GIPC2: variants seen among roughly 807,000 people sequenced by gnomAD.
The protein encoded by GIPC2 is GIPC PDZ domain containing family member 2.
GIPC2 carries 30 observed loss-of-function variants against 30.6 expected under a neutral mutation model. The ratio of observed to expected loss-of-function variants is 0.98; its 90% CI spans 0.73 to 1.33. The LOEUF is 1.33. Ranked by LOEUF, GIPC2 falls within the 40% of genes most tolerant of loss-of-function variation. GIPC2 has a pLI of 0.00. For synonymous variants in GIPC2, 167 were observed against 150.0 expected (o/e 1.11, Z -0.83); for missense variants, 414 against 390.3 (o/e 1.06, Z -0.51).
At chr1:78,051,161 G>A (rs1434571059) in intron 1 of GIPC2, among the ~76,000 whole-genome samples, 1 of 150,926 alleles carries the variant, frequency 6.6e-6, no homozygotes, top group South Asian at 2.1e-4. Context: ...ACCCCACTTT[G>A]CTCAATACAT....
At chr1:78,135,470 G>C in intron 5 of GIPC2, 122 bp from the exon 6 acceptor site, 1 of 615,186 alleles carries the variant, frequency 1.6e-6, no homozygotes, top group Non-Finnish European at 2.8e-6. Flanking sequence ...ATTTAATTTT[G>C]CATTTAATTT....
chr1:78,111,953 C>T (rs1420894175), intron 3 of GIPC2, among the ~76,000 whole-genome samples: 2 of 152,152 alleles, frequency 1.3e-5, no homozygotes, highest in Non-Finnish European at 2.9e-5. Flanking sequence ...TATAAGTAAT[C>T]CCAGTAGATA....
chr1:78,095,326 T>C (rs1014873494), intron 3 of GIPC2, among the ~76,000 whole-genome samples, 194 bp downstream of exon 3: 8 of 152,102 alleles, frequency 5.3e-5, no homozygotes, highest in African/African-American at 1.9e-4. Flanking sequence ...AAAGAGAAAA[T>C]TATTGCCTTG....
chr1:78,088,528 C>T (rs1316115429), intron 2 of GIPC2, among the ~76,000 whole-genome samples: 1 of 152,188 alleles, frequency 6.6e-6, no homozygotes, highest in African/African-American at 2.4e-5. Context: ...CATGTTCTCA[C>T]TTATAAGTGG....
At chr1:78,119,257 A>G (rs1662632680) in intron 3 of GIPC2, 136 bp from the exon 4 acceptor site, 1 of 548,016 alleles carries the variant, frequency 1.8e-6, no homozygotes, top group East Asian at 3.0e-5. Flanking sequence ...GGGAAATTCT[A>G]TAAGAAGGCC....
chr1:78,045,587 C>T (rs1441227429), upstream of GIPC2: 3 of 985,424 alleles, frequency 3.0e-6, no homozygotes, highest in Non-Finnish European at 3.6e-6. Context: ...ACTTTCTCTT[C>T]CAATTCTGCC....
rs1662115572 is a variant in GIPC2 at position 78,095,207 on chromosome 1, C to T, written c.607+75C>T. 1.0e-5 allele frequency: 10 copies of T among 983,514 alleles called. No homozygotes were observed. The South Asian group carries it at 1.5e-4, about 14-fold the overall frequency. The allele number at this position is 983,514 out of a possible 1,614,324, so 60.9% of individuals were successfully genotyped here. ...TTTATCTTTCTAAGGGAAATGAGTA[C>T]TGTGATATGGTGCTATGTGCTTTTA... is the stretch of plus-strand genomic sequence containing the variant. On this transcript the variant is annotated intron_variant, in intron 3 of 5. Coordinates refer to ENST00000370759, the MANE Select transcript of GIPC2 (RefSeq NM_017655.6).
At chr1:78,086,578 A>G (rs1661931687) in intron 2 of GIPC2, among the ~76,000 whole-genome samples, 1 of 152,138 alleles carries the variant, frequency 6.6e-6, no homozygotes, top group African/African-American at 2.4e-5. Context: ...GTAGGTCTTT[A>G]AGAACTTGCT....
At chr1:78,090,706 A>G (rs1662021142) in intron 2 of GIPC2, among the ~76,000 whole-genome samples, 2 of 152,128 alleles carry the variant, frequency 1.3e-5, no homozygotes, top group Non-Finnish European at 2.9e-5. Flanking sequence ...TAGAGTGATC[A>G]TTTCGAGAAA....
chr1:78,051,878 C>T (rs1202807179), intron 1 of GIPC2, among the ~76,000 whole-genome samples: 4 of 152,166 alleles, frequency 2.6e-5, no homozygotes, highest in Admixed American at 2.6e-4. Context: ...CTTTTGACAC[C>T]TGTTCCCATC....
chr1:78,091,795 A>C, intron 2 of GIPC2: 1 of 776,766 alleles, frequency 1.3e-6, no homozygotes, highest in South Asian at 1.3e-5. Flanking sequence ...TTTCCAAAGA[A>C]GTGACTAGAA....
intron 1 of GIPC2, among the ~76,000 whole-genome samples, chr1:78,054,976 T>C (rs1661260086): frequency 6.6e-6 from 1 of 152,054 alleles, no homozygotes; most frequent in African/African-American, 2.4e-5. Flanking sequence ...CTGAGTGGAG[T>C]GGAAGGCTCT....
At chr1:78,122,822 A>T (rs1662709142) in intron 4 of GIPC2, among the ~76,000 whole-genome samples, 1 of 152,216 alleles carries the variant, frequency 6.6e-6, no homozygotes, top group South Asian at 2.1e-4. Flanking sequence ...AGAAGAATAA[A>T]AACCCTGTTT....
intron 4 of GIPC2, among the ~76,000 whole-genome samples, chr1:78,124,961 A>T (rs1662755197): frequency 6.6e-6 from 1 of 152,220 alleles, no homozygotes; most frequent in African/African-American, 2.4e-5. Flanking sequence ...TGGGCAACAG[A>T]ATGAGACTCT....
At chr1:78,050,156 A>T (rs1661169594) in intron 1 of GIPC2, among the ~76,000 whole-genome samples, 1 of 151,584 alleles carries the variant, frequency 6.6e-6, no homozygotes, top group African/African-American at 2.4e-5. Flanking sequence ...TCGGCCTCCC[A>T]AAGTGAGCTG....
chr1:78,108,589 C>T (rs911695857), intron 3 of GIPC2, among the ~76,000 whole-genome samples: 3 of 152,186 alleles, frequency 2.0e-5, no homozygotes, highest in Non-Finnish European at 4.4e-5. Flanking sequence ...TCTGTCTCAG[C>T]ACCCTACTAA....
At chr1:78,102,966 A>G (rs1662275207) in intron 3 of GIPC2, among the ~76,000 whole-genome samples, 1 of 152,240 alleles carries the variant, frequency 6.6e-6, no homozygotes, top group African/African-American at 2.4e-5. Flanking sequence ...AACTAAGGAA[A>G]TATGTCAGTA....
intron 3 of GIPC2, among the ~76,000 whole-genome samples, chr1:78,100,797 G>C (rs912855717): frequency 6.6e-6 from 1 of 151,876 alleles, no homozygotes; most frequent in Non-Finnish European, 1.5e-5. Flanking sequence ...GGAAATGGTG[G>C]CAAGCACCTC....
intron 1 of GIPC2, chr1:78,068,954 C>A: frequency 2.8e-6 from 1 of 362,552 alleles, no homozygotes; most frequent in Non-Finnish European, 3.8e-6. Context: ...TCAGCTTCTT[C>A]AGCTCCTGCC....
Sources: allele counts gnomAD v4.1 joint callset (sites outside exome capture counted in the v4.1 genomes callset), GRCh38; gene constraint gnomAD v4.1.1; transcripts MANE v1.5; gene names NCBI Gene and HGNC (gene_info 2026-07-23, HGNC 2026-07-21).